MAD1L1: variants seen among roughly 807,000 people sequenced by gnomAD.
MAD1L1 encodes the protein mitotic spindle assembly checkpoint protein MAD1.
In MAD1L1, 95 loss-of-function variants were observed where a neutral mutation model predicts 96.9. The observed-to-expected ratio is 0.98, with a 90% CI of 0.83 to 1.16. The LOEUF is 1.16. MAD1L1 is among the 50% of genes most tolerant of loss of function. The pLI, the probability that MAD1L1 is intolerant of heterozygous loss-of-function variation, is 0.00. For synonymous variants in MAD1L1, 473 were observed against 396.6 expected (o/e 1.19, Z -2.29); for missense variants, 1,007 against 954.4 (o/e 1.06, Z -0.73).
At chr7:2,042,889 G>A (rs567474570) in intron 12 of MAD1L1, among the ~76,000 whole-genome samples, 2 of 17,370 alleles carry the variant, frequency 1.2e-4, no homozygotes, top group African/African-American at 1.5e-3. Flanking sequence ...ACATGTCCAC[G>A]TCCACGTCCA....
intron 10 of MAD1L1, among the ~76,000 whole-genome samples, chr7:2,204,341 T>TA (rs1446012174): frequency 6.6e-6 from 1 of 152,154 alleles, no homozygotes; most frequent in Non-Finnish European, 1.5e-5. Flanking sequence ...TTGAGTGAGG[T>TA]ATGATCTGCG....
intron 11 of MAD1L1, among the ~76,000 whole-genome samples, chr7:2,141,403 G>A (rs1488621458): frequency 6.6e-6 from 1 of 152,254 alleles, no homozygotes; most frequent in Non-Finnish European, 1.5e-5. Flanking sequence ...CCAGCAGCCA[G>A]CTGCAGCCTG....
At chr7:1,937,029 T>G in intron 16 of MAD1L1, 132 bp from the exon 17 acceptor site, 1 of 719,724 alleles carries the variant, frequency 1.4e-6, no homozygotes, top group Non-Finnish European at 2.3e-6. Flanking sequence ...CTCAGTTCTT[T>G]TGTCTTCTTG....
At chr7:1,973,406 A>C (rs896115811) in intron 15 of MAD1L1, among the ~76,000 whole-genome samples, 1 of 152,178 alleles carries the variant, frequency 6.6e-6, no homozygotes, top group Non-Finnish European at 1.5e-5. Flanking sequence ...GCACCTGCTC[A>C]CAAGGGCGAC....
intron 13 of MAD1L1, among the ~76,000 whole-genome samples, chr7:2,005,991 G>C (rs183765312): frequency 6.6e-6 from 1 of 152,076 alleles, no homozygotes; most frequent in Non-Finnish European, 1.5e-5. Context: ...TTCCAGGAGT[G>C]TGAAATGGAG....
At chr7:1,848,923 A>C (rs1434409231) in intron 18 of MAD1L1, 1 of 154,398 alleles carries the variant, frequency 6.5e-6, no homozygotes, top group Non-Finnish European at 1.5e-5. Flanking sequence ...TCCTTCTCAC[A>C]CTATTTTGAA....
intron 18 of MAD1L1, among the ~76,000 whole-genome samples, chr7:1,890,980 T>C (rs938346786): frequency 6.6e-6 from 1 of 152,056 alleles, no homozygotes; most frequent in Non-Finnish European, 1.5e-5. Flanking sequence ...GCGGGCTCTG[T>C]GCGGGACCTC....
chr7:1,854,173 C>A (rs1208509617), intron 18 of MAD1L1, among the ~76,000 whole-genome samples: 3 of 152,192 alleles, frequency 2.0e-5, no homozygotes, highest in Non-Finnish European at 4.4e-5. Context: ...CCGCCCCAGG[C>A]TCTTTACATT....
chr7:2,216,261 T>G lies in MAD1L1; in HGVS notation c.705A>C (p.Gln235His), dbSNP rs1009712024. The G allele has an allele frequency of 1.9e-6, 3 of 1,614,034 alleles. No homozygotes were observed. The highest frequency in any genetic ancestry group is 1.7e-5 in the Admixed American group (1 of 60,010). ...TCTTCACAATCGCTGCATCCTGCTC[T>G]TGCAGGGACAGCTTCTGCTCCAGAT... ...IKDLEQKLSL[Q>H]EQDAAIVKNM... The change falls in exon 8 of 19, where the codon CAA becomes CAC. Residue 235 changes from glutamine (Q) to histidine (H), a missense_variant. Coordinates refer to ENST00000265854, the MANE Select transcript of MAD1L1 (RefSeq NM_001013836.2).
chr7:2,054,330 G>A (rs1184966772), intron 12 of MAD1L1, among the ~76,000 whole-genome samples: 2 of 152,162 alleles, frequency 1.3e-5, no homozygotes, highest in Non-Finnish European at 2.9e-5. Context: ...GAGGGCTCGG[G>A]CTGGTGGAGG....
intron 17 of MAD1L1, among the ~76,000 whole-genome samples, chr7:1,905,487 C>A (rs185439269): frequency 2.5e-4 from 36 of 144,674 alleles, no homozygotes; most frequent in African/African-American, 8.7e-4. Context: ...TCTTGCGGAA[C>A]TCATGATTGA....
Position 2,113,833 on chromosome 7 carries a change from A to T in MAD1L1, c.1073+35319T>A, listed in dbSNP as rs1213867768. 5.3e-5 allele frequency among the ~76,000 whole-genome samples: 8 copies of T among 152,108 alleles called. No homozygotes were observed. The South Asian group carries it at 1.5e-3, about 28-fold the overall frequency. ...TCAACCTAATCATGTATAACATCAG[A>T]CTCGCTCCAACTGAGGAACATCCAC... On this transcript the variant is annotated intron_variant, in intron 11 of 18. Transcript: ENST00000265854.
chr7:2,131,833 G>A (rs1380384708), intron 11 of MAD1L1, among the ~76,000 whole-genome samples: 3 of 152,180 alleles, frequency 2.0e-5, no homozygotes, highest in Non-Finnish European at 4.4e-5. Context: ...GGGTCTCTCT[G>A]GTCATGACAA....
At chr7:2,220,962 C>G (rs1485392308) in intron 5 of MAD1L1, 8 of 1,612,380 alleles carry the variant, frequency 5.0e-6, no homozygotes, top group Middle Eastern at 1.6e-4. Context: ...GGACGCCGGA[C>G]AGTTGGCAAG....
At chr7:2,128,009 A>C (rs1223731025) in intron 11 of MAD1L1, among the ~76,000 whole-genome samples, 1 of 152,156 alleles carries the variant, frequency 6.6e-6, no homozygotes, top group Non-Finnish European at 1.5e-5. Flanking sequence ...AAATGGATGA[A>C]AGGCCCTGAC....
intron 16 of MAD1L1, among the ~76,000 whole-genome samples, chr7:1,955,012 G>A (rs1344004323): frequency 6.6e-6 from 1 of 152,220 alleles, no homozygotes; most frequent in African/African-American, 2.4e-5. Flanking sequence ...CAGGAAGGCA[G>A]CACGAAGACC....
At chr7:1,939,453 T>C (rs1304299308) in intron 16 of MAD1L1, among the ~76,000 whole-genome samples, 1 of 151,960 alleles carries the variant, frequency 6.6e-6, no homozygotes, top group African/African-American at 2.4e-5. Flanking sequence ...TGAGACTGGA[T>C]GGGCACCCGG....
At chr7:2,027,896 A>G (rs1783054511) in intron 12 of MAD1L1, among the ~76,000 whole-genome samples, 1 of 152,250 alleles carries the variant, frequency 6.6e-6, no homozygotes, top group Non-Finnish European at 1.5e-5. Context: ...GAAGATCAAG[A>G]AGACAATGAA....
rs200433567 is a variant in MAD1L1 at position 1,898,364 on chromosome 7, C to T, written c.1834G>A (p.Glu612Lys). 152 of 1,613,938 alleles carry T rather than the reference C, an allele frequency of 9.4e-5. No homozygotes were observed. The African/African-American group carries it at 1.6e-3, about 17-fold the overall frequency. The stretch of plus-strand genomic sequence containing the variant: ...TCCTTGAGCCGCTGGTTCTTCAGCT[C>T]GGCACTCTCCACCTGCTTCTTCAGC... ...AELKKQVESA[E>K]LKNQRLKEVF... The change falls in exon 18 of 19, where the codon GAG (glutamate) becomes AAG (lysine). Residue 612 changes from glutamate to lysine, a missense_variant. Physicochemically the swap from Glu to Lys is moderately conservative, Grantham distance 56 (BLOSUM62 1). Transcript: ENST00000265854.
Sources: allele counts gnomAD v4.1 joint callset (sites outside exome capture counted in the v4.1 genomes callset), GRCh38; gene constraint gnomAD v4.1.1; transcripts MANE v1.5; gene names NCBI Gene and HGNC (gene_info 2026-07-23, HGNC 2026-07-21).